RMI1: variants seen among roughly 807,000 people sequenced by gnomAD.
RMI1 encodes recQ-mediated genome instability protein 1.
A neutral mutation model predicts 46.7 loss-of-function variants in RMI1; 36 were observed. The observed-to-expected ratio is 0.77, with a 90% CI of 0.59 to 1.02. The LOEUF (loss-of-function observed/expected upper bound fraction) is 1.02, where lower values mean the gene tolerates loss of function less well. Ranked by LOEUF, RMI1 falls within the 50% of genes least tolerant of loss-of-function variation. RMI1 has a pLI of 0.00. For missense variants in RMI1, 676 were observed against 713.7 expected, an observed-to-expected ratio of 0.95 and a Z score of 0.60; for synonymous variants, 250 against 252.9, an observed-to-expected ratio of 0.99 and a Z score of 0.11.
chr9:83,982,084 T>C (rs1006561464), intron 1 of RMI1, among the ~76,000 whole-genome samples: 1 of 152,208 alleles, frequency 6.6e-6, no homozygotes, highest in African/African-American at 2.4e-5. Flanking sequence ...CGCATTTCAG[T>C]TCTAAAACAC....
intron 1 of RMI1, among the ~76,000 whole-genome samples, chr9:83,991,494 T>A (rs939291179): frequency 6.6e-6 from 1 of 152,048 alleles, no homozygotes; most frequent in Non-Finnish European, 1.5e-5. Context: ...TTTTAAAAAT[T>A]TTTTGTAGAA....
At position 84,002,840 on chromosome 9, in the gene RMI1, T is replaced by G; in HGVS notation, c.1854T>G (p.Asn618Lys). 6.5e-7 allele frequency: 1 copy of G among 1,547,810 alleles called. No homozygotes were observed. Among genetic ancestry groups the G allele is most frequent in the Non-Finnish European group, 8.8e-7 (1 of 1,138,610 alleles). Residue 618 changes from asparagine (N) to lysine (K), a missense_variant, in exon 3 of 3, where the codon AAT becomes AAG. Physicochemically the swap from Asn to Lys is moderately conservative, Grantham distance 94. Coordinates refer to ENST00000445877, the MANE Select transcript of RMI1 (RefSeq NM_001358291.2). ...LQDVNMEHLE[N>K]LKKRLNK ...ATGTTAATATGGAACACCTTGAGAATCTAAAGAAGCGGTTAAATAAATAAT... is the reference window on the plus strand; with the variant it reads ...ATGTTAATATGGAACACCTTGAGAAGCTAAAGAAGCGGTTAAATAAATAAT...
At chr9:83,990,020 C>G (rs2133109773) in intron 1 of RMI1, among the ~76,000 whole-genome samples, 1 of 152,262 alleles carries the variant, frequency 6.6e-6, no homozygotes, top group East Asian at 1.9e-4. Context: ...AGAATGATAT[C>G]CTGTCATTTC....
chr9:83,986,142 C>T (rs1957487210), intron 1 of RMI1, among the ~76,000 whole-genome samples: 1 of 152,086 alleles, frequency 6.6e-6, no homozygotes, highest in Non-Finnish European at 1.5e-5. Flanking sequence ...ATTTTATGTG[C>T]TATGTTAGTA....
intron 1 of RMI1, among the ~76,000 whole-genome samples, chr9:83,990,563 T>C (rs1957557022): frequency 6.6e-6 from 1 of 151,742 alleles, no homozygotes; most frequent in Non-Finnish European, 1.5e-5. Flanking sequence ...AGCACTGCAT[T>C]GTGGCTATAG....
In RMI1 at chr9:84,001,436, A is replaced by G. The variant is rs2133131511; in HGVS notation, c.450A>G (p.Glu150=). Residue 150 remains glutamate (E), a synonymous_variant, in exon 3 of 3, where the codon GAA becomes GAG. Transcript: ENST00000445877. ...TDGIVQIQGM[E]YQPIPILHSD... ...GAATCGTACAAATACAGGGAATGGA[A>G]TATCAGCCTATTCCAATTCTTCATA... 1.9e-6 allele frequency: 3 copies of G among 1,614,114 alleles called. No individual in the cohort carries two copies. The highest frequency in any genetic ancestry group is 2.5e-6 in the Non-Finnish European group (3 of 1,179,990).
At position 83,999,188 on chromosome 9, in the gene RMI1, T is replaced by A. The variant is rs1029680567; in HGVS notation, c.-125-521T>A. ...TAAAATAGAATAGAATAAAATAAAATAAAAAAAAATAAAATAACAATAAGT... is the reference window on the plus strand; with the variant it reads ...TAAAATAGAATAGAATAAAATAAAAAAAAAAAAAATAAAATAACAATAAGT... On this transcript the variant is annotated intron_variant, in intron 1 of 2. Coordinates refer to ENST00000445877, the MANE Select transcript of RMI1 (RefSeq NM_001358291.2). Among the ~76,000 whole-genome samples, 23 of 149,456 alleles carry A rather than the reference T, an allele frequency of 1.5e-4. 1 individual carries two copies. Among genetic ancestry groups the A allele is most frequent in the Admixed American group, 8.7e-4 (13 of 15,024 alleles).
intron 1 of RMI1, among the ~76,000 whole-genome samples, chr9:83,990,953 G>A (rs1030999033): frequency 1.3e-5 from 2 of 151,924 alleles, no homozygotes; most frequent in African/African-American, 2.4e-5. Context: ...GATTACAGGC[G>A]TGTCCCACCA....
chr9:83,984,168 G>A (rs73471377), intron 1 of RMI1, among the ~76,000 whole-genome samples: 5,111 of 152,038 alleles, frequency 0.034, 266 homozygotes, highest in African/African-American at 0.11. Context: ...TCACAGTACC[G>A]GGGATATTAT....
At chr9:83,996,686 G>T (rs1162577537) in intron 1 of RMI1, among the ~76,000 whole-genome samples, 2 of 151,996 alleles carry the variant, frequency 1.3e-5, no homozygotes, top group Admixed American at 1.3e-4. Flanking sequence ...TTCTTGTTCT[G>T]CTGTAAAGAA....
chr9:83,981,816 C>G (rs1054958205), intron 1 of RMI1, among the ~76,000 whole-genome samples: 55 of 152,304 alleles, frequency 3.6e-4, no homozygotes, highest in African/African-American at 1.3e-3. Context: ...TACCAGCATT[C>G]TTTTAAATGG....
Position 84,001,181 on chromosome 9 carries a change from G to A in RMI1, c.195G>A (p.Glu65=), listed in dbSNP as rs992901130. The part of the protein sequence containing the change: ...QWLLTDLRDL[E]HPLLPDGILE... ...TCCTTACTGATCTGAGGGATTTGGAGCATCCTCTTTTACCCGATGGCATTT... is the reference window on the plus strand; with the variant it reads ...TCCTTACTGATCTGAGGGATTTGGAACATCCTCTTTTACCCGATGGCATTT... The change falls in exon 3 of 3, where the codon GAG becomes GAA. Residue 65 remains glutamate (E), a synonymous_variant. Transcript: ENST00000445877. 5 of 1,613,992 alleles carry A rather than the reference G, an allele frequency of 3.1e-6. No homozygotes were observed. Among genetic ancestry groups the A allele is most frequent in the Non-Finnish European group, 4.2e-6 (5 of 1,179,998 alleles).
In RMI1 at chr9:84,002,646, A is replaced by G. The variant is rs776447514; in HGVS notation, c.1660A>G (p.Ile554Val). 1.2e-5 allele frequency: 20 copies of G among 1,613,836 alleles called. No individual in the cohort carries two copies. Among genetic ancestry groups the G allele is most frequent in the East Asian group, 2.2e-5 (1 of 44,826 alleles). Residue 554 changes from isoleucine to valine, a missense_variant, in exon 3 of 3, where the codon ATA becomes GTA. Ile to Val is a conservative substitution (Grantham distance 29, BLOSUM62 3). Coordinates refer to ENST00000445877, the MANE Select transcript of RMI1 (RefSeq NM_001358291.2). Reference sequence around the variant, plus strand: ...TGTGGATGAAATACTTACTAGCTTGATAGGGTTCTCAGTACCAGAAATGAA... The same window carrying G: ...TGTGGATGAAATACTTACTAGCTTGGTAGGGTTCTCAGTACCAGAAATGAA... ...DFVDEILTSL[I>V]GFSVPEMKQS...
chr9:83,983,320 T>A (rs1957446203), intron 1 of RMI1, among the ~76,000 whole-genome samples: 1 of 152,198 alleles, frequency 6.6e-6, no homozygotes. Flanking sequence ...TTTTCCTTAC[T>A]TTAGGTTATG....
chr9:83,987,880 G>A (rs914049785), intron 1 of RMI1, among the ~76,000 whole-genome samples: 4 of 151,810 alleles, frequency 2.6e-5, no homozygotes, highest in Non-Finnish European at 5.9e-5. Context: ...CCAAATGAAG[G>A]ACATGTGGGT....
chr9:83,981,167 A>G (rs1001106953), intron 1 of RMI1, among the ~76,000 whole-genome samples: 5 of 152,110 alleles, frequency 3.3e-5, no homozygotes, highest in African/African-American at 1.2e-4. Context: ...ACGCGGGGCG[A>G]GCCTGGGAGT....
At chr9:83,995,490 CGATCTCA>C (rs1337305435) in intron 1 of RMI1, among the ~76,000 whole-genome samples, 2 of 149,110 alleles carry the variant, frequency 1.3e-5, no homozygotes, top group Non-Finnish European at 3.0e-5. Flanking sequence ...TGCAATAGCA[CGATCTCA>C]GATCACTGCA....
chr9:83,997,796 G>A (rs1957680341), intron 1 of RMI1, among the ~76,000 whole-genome samples: 1 of 150,722 alleles, frequency 6.6e-6, no homozygotes, highest in Non-Finnish European at 1.5e-5. Context: ...AAGATAGGGA[G>A]TATTTTTTTT....
intron 1 of RMI1, among the ~76,000 whole-genome samples, chr9:83,990,089 A>G (rs866785714): frequency 3.9e-4 from 60 of 152,230 alleles, no homozygotes; most frequent in African/African-American, 1.3e-3. Flanking sequence ...AAGCACGGAC[A>G]TGTTGCATGT....
Sources: gnomAD v4.1 joint callset for allele counts (sites outside exome capture counted in the v4.1 genomes callset) on GRCh38, gnomAD v4.1.1 for gene constraint, MANE v1.5 for transcripts, NCBI Gene and HGNC (gene_info 2026-07-23, HGNC 2026-07-21) for gene names.